The following TNRC6C variants were observed in gnomAD, a reference collection of about 807,000 sequenced individuals.
The protein encoded by TNRC6C is trinucleotide repeat containing adaptor 6C, also known as trinucleotide repeat-containing gene 6C protein.
TNRC6C carries 20 observed loss-of-function variants against 153.7 expected under a neutral mutation model. The ratio of observed to expected loss-of-function variants is 0.13; its 90% CI spans 0.09 to 0.19. The LOEUF is 0.19. Ranked by LOEUF, TNRC6C falls within the 10% of genes least tolerant of loss-of-function variation. The pLI is 1.00. For missense variants in TNRC6C, 1,987 were observed against 2,172.0 expected, an observed-to-expected ratio of 0.91 and a Z score of 1.69; for synonymous variants, 811 against 841.4, an observed-to-expected ratio of 0.96 and a Z score of 0.63.
In TNRC6C at chr17:78,104,390, C is replaced by T. The variant is rs2073651722; in HGVS notation, c.4713-95C>T. The T allele has an allele frequency of 3.6e-6, 5 of 1,398,020 alleles. No individual in the cohort carries two copies. The highest frequency in any genetic ancestry group is 4.7e-6 in the Non-Finnish European group (5 of 1,073,864). 86.6% of individuals were successfully genotyped at this position (1,398,020 alleles called of 1,614,324 possible). ...AAAACAGAAGCCACAGGATGGCTTCCATGTGGGGCCGTTCCCAATACAGAG... is the reference window on the plus strand; with the variant it reads ...AAAACAGAAGCCACAGGATGGCTTCTATGTGGGGCCGTTCCCAATACAGAG... On this transcript the variant is annotated intron_variant, in intron 19 of 19. Transcript: ENST00000301624. This position sits in a 1 kb window ranked among gnomAD's most constrained non-coding sequence, Gnocchi z 6.2.
At chr17:78,048,756 TA>T in intron 2 of TNRC6C, 88 bp from the exon 5 acceptor site, 6 of 1,186,640 alleles carry the variant, frequency 5.1e-6, no homozygotes, top group Non-Finnish European at 5.3e-6. Context: ...AGACTTGAAA[TA>T]AAGAGCTTCC....
exon 3 of TNRC6C, chr17:78,050,117 A>G (rs1169821959): frequency 5.0e-6 from 8 of 1,607,046 alleles, no homozygotes; most frequent in Non-Finnish European, 6.8e-6. Context: ...CAGCATTCCA[A>G]CAGTGACATC....
At position 78,049,062 on chromosome 17, in the gene TNRC6C, C is replaced by T; in HGVS notation, c.-1C>T. 3 of 1,523,840 alleles carry T rather than the reference C, an allele frequency of 2.0e-6. No homozygotes were observed. Among genetic ancestry groups the T allele is most frequent in the Non-Finnish European group, 2.6e-6 (3 of 1,135,048 alleles). 94.4% of individuals were successfully genotyped at this position (1,523,840 alleles called of 1,614,324 possible). ...CCAACTGTGGCTCAGAGAACAGTAG[C>T]ATGGCTACAGGGAGTGCCCAGGGCA... On this transcript the variant is annotated 5_prime_UTR_variant, in exon 3 of 20. Coordinates refer to ENST00000301624, the Ensembl canonical transcript of TNRC6C. This position sits in a 1 kb window ranked among gnomAD's most constrained non-coding sequence, Gnocchi z 4.1.
intron 1 of TNRC6C, among the ~76,000 whole-genome samples, chr17:77,976,222 C>T (rs538023342): frequency 6.6e-6 from 1 of 152,074 alleles, no homozygotes; most frequent in Admixed American, 6.5e-5. Flanking sequence ...TTTGTGTATA[C>T]GTTTCTGTAA....
At position 78,104,833 on chromosome 17, in the gene TNRC6C, G is replaced by C. The variant is rs778805087; in HGVS notation, c.5061G>C (p.Gly1687=). 1 of 1,439,182 alleles carries C rather than the reference G, an allele frequency of 6.9e-7. No homozygotes were observed. The allele number at this position is 1,439,182 out of a possible 1,614,324, so 89.2% of individuals were successfully genotyped here. ...TGCTGCCTGGGGACCTGCTCAGCGG[G>C]GAGTCCCTGTAGGCTCTGCCATCAT... Residue 1687 remains glycine, a synonymous_variant, in exon 20 of 20, where the codon GGG becomes GGC. Transcript: ENST00000301624. The surrounding 1 kb of genome is among the most constrained non-coding windows in gnomAD (Gnocchi z 6.2).
chr17:78,054,500 C>T lies in TNRC6C; in HGVS notation c.2395+3043C>T, dbSNP rs2072606874. The stretch of plus-strand genomic sequence containing the variant: ...CACGCCACTGCAGACTACTGTACAC[C>T]ACTGCAAAGTAGAGTTCACCACTGT... On this transcript the variant is annotated intron_variant, in intron 3 of 19. Transcript: ENST00000301624. Among the ~76,000 whole-genome samples, 3 of 149,510 alleles carry T rather than the reference C, an allele frequency of 2.0e-5. No homozygotes were observed. In the South Asian group the frequency reaches 6.4e-4, roughly 32 times the overall value.
chr17:78,070,500 C>T (rs562526779), intron 5 of TNRC6C, among the ~76,000 whole-genome samples: 1 of 152,196 alleles, frequency 6.6e-6, no homozygotes, highest in Non-Finnish European at 1.5e-5. Context: ...CCGAGCCCTC[C>T]CCCACCCCCA....
chr17:78,006,531 CTTCTTCTTCT>C (rs1567910853), intron 1 of TNRC6C, among the ~76,000 whole-genome samples: 5 of 140,778 alleles, frequency 3.6e-5, no homozygotes, highest in African/African-American at 1.1e-4. Flanking sequence ...TCTTCTTCTT[CTTCTTCTTCT>C]TCTTCTTCTT....
Position 78,051,073 on chromosome 17 carries a change from C to G in TNRC6C, c.2011C>G (p.Pro671Ala). 1.9e-6 allele frequency: 3 copies of G among 1,605,786 alleles called. No individual in the cohort carries two copies. In the East Asian group the frequency reaches 6.7e-5, roughly 36 times the overall value. The change falls in exon 3 of 20, where the codon CCC (proline) becomes GCC (alanine). Residue 671 changes from proline (P) to alanine (A), a missense_variant. Pro to Ala is a conservative substitution (Grantham distance 27). Coordinates refer to ENST00000301624, the Ensembl canonical transcript of TNRC6C. ...CCCCCAACAGAACTGGGCTAGCAAACCCCAAGACAACAATGTGAGTAACTG... is the reference window on the plus strand; with the variant it reads ...CCCCCAACAGAACTGGGCTAGCAAAGCCCAAGACAACAATGTGAGTAACTG...
intron 17 of TNRC6C, among the ~76,000 whole-genome samples, 169 bp from the exon 21 acceptor site, chr17:78,102,305 G>A (rs1197265678): frequency 6.6e-6 from 1 of 152,208 alleles, no homozygotes; most frequent in African/African-American, 2.4e-5. Flanking sequence ...GGACTGTGAG[G>A]TTTTGGTTTA....
rs570441873 is a variant in TNRC6C at position 78,039,319 on chromosome 17, C to A, written c.-219+7477C>A. Among the ~76,000 whole-genome samples the A allele has an allele frequency of 1.6e-3, 243 of 149,102 alleles. 3 individuals are homozygous for A. Among genetic ancestry groups the A allele is most frequent in the Admixed American group, 4.0e-3 (60 of 15,068 alleles). The stretch of plus-strand genomic sequence containing the variant: ...GCAATTTCAAATCTTGCCCCCCCCC[C>A]CCACTCCCTACCTCTTACCAGGTCA... On this transcript the variant is annotated intron_variant, in intron 2 of 19. Transcript: ENST00000301624.
intron 10 of TNRC6C, among the ~76,000 whole-genome samples, chr17:78,082,075 T>C (rs575283237): frequency 6.6e-6 from 1 of 151,398 alleles, no homozygotes; most frequent in African/African-American, 2.4e-5. Context: ...ATATAATTAT[T>C]ATTGCAGGAT....
chr17:77,984,447 G>A (rs912789273), intron 1 of TNRC6C, among the ~76,000 whole-genome samples: 2 of 152,094 alleles, frequency 1.3e-5, no homozygotes, highest in African/African-American at 4.8e-5. Context: ...AGGATCGCTT[G>A]ATTGAGGCTG....
chr17:77,972,217 A>G (rs1288963004), intron 1 of TNRC6C, among the ~76,000 whole-genome samples: 1 of 152,186 alleles, frequency 6.6e-6, no homozygotes, highest in Non-Finnish European at 1.5e-5. Flanking sequence ...ACTAAAATCA[A>G]GAATGAAAGA....
chr17:78,018,101 ATGGTTTT>A (rs977454392), intron 1 of TNRC6C, among the ~76,000 whole-genome samples: 18 of 152,200 alleles, frequency 1.2e-4, no homozygotes, highest in Admixed American at 2.0e-4. Context: ...GTGTATATAT[ATGGTTTT>A]TGGTTTTTGG....
Position 78,104,336 on chromosome 17 carries a change from C to A in TNRC6C, c.4713-149C>A, listed in dbSNP as rs2073650234. The A allele has an allele frequency of 2.7e-6, 3 of 1,116,908 alleles. No individual in the cohort carries two copies. Among genetic ancestry groups the A allele is most frequent in the African/African-American group, 1.6e-5 (1 of 60,658 alleles). 69.2% of individuals were successfully genotyped at this position (1,116,908 alleles called of 1,614,324 possible). A position where few individuals can be genotyped will look rare whatever the true frequency, so the allele number is the denominator to read the frequency against. On this transcript the variant is annotated intron_variant, in intron 19 of 19. Transcript: ENST00000301624. The surrounding 1 kb of genome is among the most constrained non-coding windows in gnomAD (Gnocchi z 6.2). ...AGAAGTCTGAACTGAGCAAAACATT[C>A]ACAGTCTGGGTTTGGAAATAGCAGT...
At chr17:78,056,716 C>T (rs2072663256) in intron 3 of TNRC6C, among the ~76,000 whole-genome samples, 1 of 151,818 alleles carries the variant, frequency 6.6e-6, no homozygotes, top group East Asian at 1.9e-4. Context: ...CAGCCAGCCT[C>T]GACCCCGCAA....
At chr17:78,077,242 A>G (rs766457012) in exon 9 of TNRC6C, 5 of 1,602,352 alleles carry the variant, frequency 3.1e-6, no homozygotes, top group Non-Finnish European at 4.3e-6. Context: ...CCCAAGCCTG[A>G]AGCTCCCCCT....
At chr17:78,013,982 T>G (rs961787580) in intron 1 of TNRC6C, among the ~76,000 whole-genome samples, 1 of 152,182 alleles carries the variant, frequency 6.6e-6, no homozygotes, top group African/African-American at 2.4e-5. Flanking sequence ...AAGGCCAATT[T>G]CTCTCCTCCT....
Sources: gnomAD v4.1 joint callset for allele counts (sites outside exome capture counted in the v4.1 genomes callset) on GRCh38, gnomAD v4.1.1 for gene constraint, Gnocchi (gnomAD v3.1) non-coding constraint, MANE v1.5 for transcripts, NCBI Gene and HGNC (gene_info 2026-07-23, HGNC 2026-07-21) for gene names.